The following ZFPM2 variants were observed in gnomAD, a reference collection of about 807,000 sequenced individuals.
ZFPM2 encodes zinc finger protein ZFPM2.
ZFPM2 carries 20 observed loss-of-function variants against 98.6 expected under a neutral mutation model. The observed-to-expected ratio is 0.20, with a 90% CI of 0.14 to 0.29. The LOEUF (loss-of-function observed/expected upper bound fraction) is 0.29, where lower values mean the gene tolerates loss of function less well. Among genes scored for constraint, ZFPM2 ranks in the 10% least tolerant of loss-of-function variants. The pLI, the probability that ZFPM2 is intolerant of heterozygous loss-of-function variation, is 1.00. For missense variants in ZFPM2, 1,310 were observed against 1,388.6 expected (o/e 0.94, Z 0.90); for synonymous variants, 518 against 502.7 (o/e 1.03, Z -0.41).
chr8:105,680,320 G>T (rs1182656533), intron 5 of ZFPM2, among the ~76,000 whole-genome samples: 10 of 152,122 alleles, frequency 6.6e-5, no homozygotes, highest in Admixed American at 6.6e-4. Context: ...TATTTTAAGA[G>T]TTCAAAGAAT....
At chr8:105,321,044 C>T (rs999978821) in intron 1 of ZFPM2, among the ~76,000 whole-genome samples, 1 of 152,180 alleles carries the variant, frequency 6.6e-6, no homozygotes, top group African/African-American at 2.4e-5. Flanking sequence ...GACACCCCTT[C>T]TTCCATTCCA....
intron 5 of ZFPM2, among the ~76,000 whole-genome samples, chr8:105,722,142 C>T (rs1811683471): frequency 6.6e-6 from 1 of 151,344 alleles, no homozygotes; most frequent in Admixed American, 6.6e-5. Context: ...AGCTTTGGTC[C>T]AGATGTTACC....
At chr8:105,632,711 A>T (rs780903711) in intron 4 of ZFPM2, among the ~76,000 whole-genome samples, 19 of 152,234 alleles carry the variant, frequency 1.2e-4, no homozygotes, top group Non-Finnish European at 2.6e-4. Flanking sequence ...CGTAGAATAT[A>T]AAATTACATC....
At chr8:105,493,954 A>G (rs527249113) in intron 3 of ZFPM2, among the ~76,000 whole-genome samples, 1 of 151,862 alleles carries the variant, frequency 6.6e-6, no homozygotes, top group South Asian at 2.1e-4. Flanking sequence ...GACCTCCAAA[A>G]CAACCAAAGC....
chr8:105,626,481 G>A (rs1177899482), intron 4 of ZFPM2, among the ~76,000 whole-genome samples: 2 of 152,146 alleles, frequency 1.3e-5, no homozygotes, highest in East Asian at 1.9e-4. Context: ...GTAAAATTTT[G>A]TGTGGTTGTA....
intron 5 of ZFPM2, among the ~76,000 whole-genome samples, chr8:105,714,416 A>G (rs1811471639): frequency 6.6e-6 from 1 of 151,988 alleles, no homozygotes; most frequent in Non-Finnish European, 1.5e-5. Flanking sequence ...CACAAAGAGA[A>G]ATAGTTTGAC....
intron 1 of ZFPM2, among the ~76,000 whole-genome samples, chr8:105,363,570 T>A (rs1249623664): frequency 6.6e-6 from 1 of 152,190 alleles, no homozygotes; most frequent in East Asian, 1.9e-4. Flanking sequence ...CTCAGAGGAA[T>A]AAAGAATGCG....
intron 1 of ZFPM2, among the ~76,000 whole-genome samples, chr8:105,395,765 T>C (rs1187530307): frequency 2.6e-5 from 4 of 152,190 alleles, no homozygotes; most frequent in African/African-American, 9.7e-5. Context: ...TTCTATGAGA[T>C]AGTATCTTAG....
intron 1 of ZFPM2, among the ~76,000 whole-genome samples, chr8:105,330,522 T>TTC (rs146214596): frequency 0.3 from 35,598 of 117,468 alleles, 5,777 homozygotes; most frequent in Admixed American, 0.43. Flanking sequence ...ACAAAACAAT[T>TTC]TCTCTCTCTC....
chr8:105,349,120 A>G (rs1812594906), intron 1 of ZFPM2, among the ~76,000 whole-genome samples: 1 of 152,132 alleles, frequency 6.6e-6, no homozygotes, highest in East Asian at 1.9e-4. Context: ...TTTGGTAGAC[A>G]TGCAAAATCT....
intron 1 of ZFPM2, among the ~76,000 whole-genome samples, chr8:105,384,425 G>A (rs181143767): frequency 3.3e-5 from 5 of 152,084 alleles, no homozygotes; most frequent in African/African-American, 7.2e-5. Context: ...AATCCCAGGA[G>A]GTGGATTATC....
chr8:105,802,997 T>C lies in ZFPM2; in HGVS notation c.2915T>C (p.Ile972Thr), dbSNP rs1256654784. Residue 972 changes from isoleucine to threonine, a missense_variant, in exon 8 of 8, where the codon ATA (isoleucine) becomes ACA (threonine). Coordinates refer to ENST00000407775, the MANE Select transcript of ZFPM2 (RefSeq NM_012082.4). ...FLPQCLYPGAIKKAKGADQLS... is the reference protein window; with the variant it reads ...FLPQCLYPGATKKAKGADQLS... ...CCACAATGCCTTTACCCTGGAGCAA[T>C]AAAGAAAGCAAAAGGAGCCGACCAG... The C allele has an allele frequency of 3.7e-6, 6 of 1,612,848 alleles. No individual in the cohort carries two copies. Among genetic ancestry groups the C allele is most frequent in the Non-Finnish European group, 5.1e-6 (6 of 1,179,404 alleles).
chr8:105,500,681 A>C (rs1454328498), intron 3 of ZFPM2, among the ~76,000 whole-genome samples: 1 of 152,182 alleles, frequency 6.6e-6, no homozygotes, highest in Non-Finnish European at 1.5e-5. Context: ...AAATACTATA[A>C]TCAAAAAACA....
At chr8:105,626,150 T>C (rs1233464481) in intron 4 of ZFPM2, among the ~76,000 whole-genome samples, 2 of 152,162 alleles carry the variant, frequency 1.3e-5, no homozygotes, top group African/African-American at 4.8e-5. Flanking sequence ...GTGGAACTTA[T>C]CATACTAAAA....
chr8:105,689,975 T>C (rs1446660842), intron 5 of ZFPM2, among the ~76,000 whole-genome samples: 1 of 152,194 alleles, frequency 6.6e-6, no homozygotes, highest in Non-Finnish European at 1.5e-5. Context: ...ATATTTACTC[T>C]TCCAGTGACA....
rs551656509 is a variant in ZFPM2 at position 105,325,524 on chromosome 8, A to G, written c.40+6543A>G. 3.4e-3 allele frequency among the ~76,000 whole-genome samples: 509 copies of G among 151,910 alleles called. 2 individuals carry two copies. Among genetic ancestry groups the G allele is most frequent in the African/African-American group, 0.012 (491 of 41,518 alleles). On this transcript the variant is annotated intron_variant, in intron 1 of 7. Coordinates refer to ENST00000407775, the MANE Select transcript of ZFPM2 (RefSeq NM_012082.4). Reference sequence around the variant, plus strand: ...ATCTGGTTCTATTTGTTGTTACATCAGCAAAATATCAATATAGAAAGTGGA... The same window carrying G: ...ATCTGGTTCTATTTGTTGTTACATCGGCAAAATATCAATATAGAAAGTGGA...
chr8:105,614,935 CA>C (rs1414970232), intron 4 of ZFPM2, among the ~76,000 whole-genome samples: 1 of 152,092 alleles, frequency 6.6e-6, no homozygotes, highest in Non-Finnish European at 1.5e-5. Flanking sequence ...ATTTTACTAT[CA>C]ACTGGCCTTA....
intron 1 of ZFPM2, among the ~76,000 whole-genome samples, chr8:105,386,623 C>A (rs1460933223): frequency 6.6e-6 from 1 of 152,070 alleles, no homozygotes; most frequent in East Asian, 1.9e-4. Flanking sequence ...AAGTGAGCAG[C>A]AGCAAGATTT....
intron 1 of ZFPM2, among the ~76,000 whole-genome samples, chr8:105,380,591 T>C (rs1810827319): frequency 1.6e-5 from 1 of 60,882 alleles, no homozygotes; most frequent in African/African-American, 7.1e-5. Context: ...TTTCTATCGG[T>C]ATATATATAT....
Sources: gnomAD v4.1 joint callset for allele counts (sites outside exome capture counted in the v4.1 genomes callset) on GRCh38, gnomAD v4.1.1 for gene constraint, MANE v1.5 for transcripts, NCBI Gene and HGNC (gene_info 2026-07-23, HGNC 2026-07-21) for gene names.